LRFN1: variants seen among roughly 807,000 people sequenced by gnomAD.
LRFN1 encodes leucine-rich repeat and fibronectin type III domain-containing protein 1.
In LRFN1, 20 loss-of-function variants were observed where a neutral mutation model predicts 31.8. That is an observed-to-expected ratio of 0.63 (90% confidence interval 0.44 to 0.91). The LOEUF is 0.91. Ranked by LOEUF, LRFN1 falls within the 40% of genes least tolerant of loss-of-function variation. The probability of loss-of-function intolerance (pLI) is 0.00; values close to 1 mark genes in which losing one functional copy is unlikely to be tolerated. For missense variants in LRFN1, 912 were observed against 1,129.8 expected (o/e 0.81, Z 2.76); for synonymous variants, 514 against 541.3 (o/e 0.95, Z 0.70).
Position 39,308,451 on chromosome 19 carries a change from C to G in LRFN1, c.1498G>C (p.Gly500Arg), listed in dbSNP as rs2075138562. 4 of 1,609,766 alleles carry G rather than the reference C, an allele frequency of 2.5e-6. No individual in the cohort carries two copies. The highest frequency in any genetic ancestry group is 1.3e-5 in the African/African-American group (1 of 74,920). ...CGCGTTGCCGGCAGCGCTGTGGCCC[C>G]GTCGTCGTAGACCGCCAGCACGCAC... ...DLCVLAVYDD[G>R]ATALPATRVV... Residue 500 changes from glycine to arginine, a missense_variant, in exon 5 of 5, where the codon GGG (glycine) becomes CGG (arginine). Physicochemically the swap from Gly to Arg is moderately radical, Grantham distance 125. Transcript: ENST00000248668. This position sits in a 1 kb window ranked among gnomAD's most constrained non-coding sequence, Gnocchi z 6.2.
chr19:39,320,612 C>T (rs2075185651), intron 1 of LRFN1, among the ~76,000 whole-genome samples, 181 bp downstream of exon 1: 1 of 151,766 alleles, frequency 6.6e-6, no homozygotes, highest in Non-Finnish European at 1.5e-5. Context: ...CCCGCGCACA[C>T]CCGATGGCCA....
rs988518645 is a variant in LRFN1, at chr19:39,307,483, G to A, written c.*150C>T. 2.2e-6 allele frequency: 2 copies of A among 905,634 alleles called. No individual in the cohort carries two copies. The highest frequency in any genetic ancestry group is 3.0e-6 in the Non-Finnish European group (2 of 676,612). The allele number at this position is 905,634 out of a possible 1,614,324, so 56.1% of individuals were successfully genotyped here. A position where few individuals can be genotyped will look rare whatever the true frequency, so the allele number is the denominator to read the frequency against. Reference sequence around the variant, plus strand: ...GGGGCGTGGCCTCGAGCCGCAGCCCGAGGCTGCCCCGCCCCCTCCCGGGGA... The same window carrying A: ...GGGGCGTGGCCTCGAGCCGCAGCCCAAGGCTGCCCCGCCCCCTCCCGGGGA... On this transcript the variant is annotated 3_prime_UTR_variant, in exon 5 of 5. Transcript: ENST00000248668. This position sits in a 1 kb window ranked among gnomAD's most constrained non-coding sequence, Gnocchi z 6.7.
chr19:39,316,785 G>A (rs116890065), intron 2 of LRFN1, among the ~76,000 whole-genome samples: 2,205 of 152,232 alleles, frequency 0.014, 26 homozygotes, highest in Middle Eastern at 0.02. Flanking sequence ...CCCCTGCGGC[G>A]GCTGCAGCCC....
intron 4 of LRFN1, among the ~76,000 whole-genome samples, chr19:39,310,011 A>G (rs1165517433): frequency 4.6e-5 from 7 of 152,144 alleles, no homozygotes; most frequent in African/African-American, 1.7e-4. Flanking sequence ...AGGCTGGAGT[A>G]CAATGACGCG....
chr19:39,308,313 C>G lies in LRFN1; in HGVS notation c.1636G>C (p.Ala546Pro). 1.2e-6 allele frequency: 2 copies of G among 1,613,300 alleles called. No homozygotes were observed. The highest frequency in any genetic ancestry group is 1.7e-6 in the Non-Finnish European group (2 of 1,179,676). The stretch of plus-strand genomic sequence containing the variant: ...AGAACGATGAAGACGAGGACCGAGG[C>G]GACGATGACGCCCCCGATGGCGATG... ...MIIAIGGVIVASVLVFIVLLM... is the reference protein window; with the variant it reads ...MIIAIGGVIVPSVLVFIVLLM... The change falls in exon 5 of 5, where the codon GCC (alanine) becomes CCC (proline). Residue 546 changes from alanine (A) to proline (P), a missense_variant. Ala to Pro is a conservative substitution (Grantham distance 27, BLOSUM62 -1). This residue lies in a region of LRFN1 where 511 missense variants were observed against 557.0 expected (regional missense o/e 0.92). Transcript: ENST00000248668. The surrounding 1 kb of genome is among the most constrained non-coding windows in gnomAD (Gnocchi z 6.2).
chr19:39,315,179 T>C lies in LRFN1; in HGVS notation c.158A>G (p.Lys53Arg). 8 of 1,588,932 alleles carry C rather than the reference T, an allele frequency of 5.0e-6. No homozygotes were observed. Among genetic ancestry groups the C allele is most frequent in the African/African-American group, 1.3e-5 (1 of 74,802 alleles). Residue 53 changes from lysine (K) to arginine (R), a missense_variant, in exon 4 of 5, where the codon AAG becomes AGG. Transcript: ENST00000248668. The surrounding 1 kb of genome is among the most constrained non-coding windows in gnomAD (Gnocchi z 4.7). ...GGGCGGCACAAAGAGCAAGCCGGTC[T>C]TGGCGCACAGCATTGTCAGTGTGGG... The part of the protein sequence containing the change: ...VAPTLTMLCA[K>R]TGLLFVPPAI...
Position 39,308,576 on chromosome 19 carries a change from T to TC in LRFN1, c.1407-35dup, listed in dbSNP as rs776395744. 3.9e-6 allele frequency: 6 copies of TC among 1,538,618 alleles called. No individual in the cohort carries two copies. The highest frequency in any genetic ancestry group is 1.4e-5 in the African/African-American group (1 of 73,728). On this transcript the variant is annotated intron_variant, in intron 4 of 4. Transcript: ENST00000248668. The surrounding 1 kb of genome is among the most constrained non-coding windows in gnomAD (Gnocchi z 6.2). ...GGGGGCGGGTTCAGGGCGGGGTTAG[T>TC]CCCCCCGAACCACGCCCCTTCGCTT...
Position 39,315,298 on chromosome 19 carries a change from C to A in LRFN1, c.39G>T (p.Pro13=). 6.7e-7 allele frequency: 1 copy of A among 1,493,022 alleles called. No homozygotes were observed. The highest frequency in any genetic ancestry group is 2.4e-5 in the East Asian group (1 of 41,438). The allele number at this position is 1,493,022 out of a possible 1,614,324, so 92.5% of individuals were successfully genotyped here. ...PGPFSSALLS[P]PPAALPFLLL... Reference sequence around the variant, plus strand: ...GCAGAAAGGGCAGGGCAGCGGGCGGCGGCGAGAGGAGGGCCGAGGAGAAGG... The same window carrying A: ...GCAGAAAGGGCAGGGCAGCGGGCGGAGGCGAGAGGAGGGCCGAGGAGAAGG... Residue 13 remains proline, a synonymous_variant, in exon 4 of 5, where the codon CCG becomes CCT. Transcript: ENST00000248668. The surrounding 1 kb of genome is among the most constrained non-coding windows in gnomAD (Gnocchi z 4.7).
chr19:39,307,940 C>A lies in LRFN1; in HGVS notation c.2009G>T (p.Arg670Leu). ...CTCCAGGGCGCCGGATCGGCTCCTTCGAGGGCCCACCGCGGCCCGAGACTC... is the reference window on the plus strand; with the variant it reads ...CTCCAGGGCGCCGGATCGGCTCCTTAGAGGGCCCACCGCGGCCCGAGACTC... The part of the protein sequence containing the change: ...GEESRAAVGP[R>L]RSRSGALEPP... Residue 670 changes from arginine (R) to leucine (L), a missense_variant, in exon 5 of 5, where the codon CGA becomes CTA. Physicochemically the swap from Arg to Leu is moderately radical, Grantham distance 102 (BLOSUM62 -2). This residue lies in a region of LRFN1 where 511 missense variants were observed against 557.0 expected (regional missense o/e 0.92). Transcript: ENST00000248668. The surrounding 1 kb of genome is among the most constrained non-coding windows in gnomAD (Gnocchi z 6.7). 1 of 1,564,196 alleles carries A rather than the reference C, an allele frequency of 6.4e-7. No homozygotes were observed. The highest frequency in any genetic ancestry group is 8.6e-7 in the Non-Finnish European group (1 of 1,163,692).
chr19:39,311,031 C>G (rs965364171), intron 4 of LRFN1, among the ~76,000 whole-genome samples: 1 of 152,238 alleles, frequency 6.6e-6, no homozygotes, highest in Non-Finnish European at 1.5e-5. Flanking sequence ...CTCTTCATCT[C>G]TCCTCTCCAG....
chr19:39,316,558 G>A (rs1375669985), intron 2 of LRFN1, among the ~76,000 whole-genome samples: 1 of 152,168 alleles, frequency 6.6e-6, no homozygotes, highest in Non-Finnish European at 1.5e-5. Context: ...GAGTGTCAAA[G>A]TGGGAGGGAC....
rs1304841337 is a variant in LRFN1, at chr19:39,315,143, C to G, written c.194G>C (p.Arg65Pro). 8.8e-6 allele frequency: 14 copies of G among 1,590,860 alleles called. No homozygotes were observed. In the South Asian group the frequency reaches 1.2e-4, roughly 14 times the overall value. ...GGTGAGCCGCAGCTCCACCACGCGC[C>G]GGTCGATGGCGGGCGGCACAAAGAG... ...GLLFVPPAID[R>P]RVVELRLTDN... Residue 65 changes from arginine to proline, a missense_variant, in exon 4 of 5, where the codon CGG (arginine) becomes CCG (proline). Around this residue, in one of 2 missense-constraint regions of LRFN1, gnomAD observed 401 missense variants for 572.7 expected, o/e 0.70. Coordinates refer to ENST00000248668, the MANE Select transcript of LRFN1 (RefSeq NM_020862.2). The surrounding 1 kb of genome is among the most constrained non-coding windows in gnomAD (Gnocchi z 4.7).
Position 39,313,936 on chromosome 19 carries a change from G to A in LRFN1, c.1401C>T (p.Val467=). ...ACTGCAGCACCCGCACCCACCTGTA[G>A]ACGAGGGAGTCATCAACGGAACTGT... The part of the protein sequence containing the change: ...QYNSSVDDSL[V]YRMIPSTSQT... Residue 467 remains valine, a synonymous_variant, in exon 4 of 5, where the codon GTC becomes GTT. Transcript: ENST00000248668. 2 of 1,587,404 alleles carry A rather than the reference G, an allele frequency of 1.3e-6. No homozygotes were observed. Among genetic ancestry groups the A allele is most frequent in the Non-Finnish European group, 1.7e-6 (2 of 1,166,084 alleles).
intron 4 of LRFN1, among the ~76,000 whole-genome samples, chr19:39,312,207 C>T (rs920387480): frequency 6.6e-6 from 1 of 151,908 alleles, no homozygotes; most frequent in African/African-American, 2.4e-5. Flanking sequence ...ACTGGGAAAG[C>T]ACCTACTATG....
chr19:39,307,662 T>C lies in LRFN1; in HGVS notation c.2287A>G (p.Thr763Ala), dbSNP rs1254776944. ...SARACLAFTS[T>A]EWMLESTV ...ACGGTACTCTCCAGCATCCACTCGG[T>C]GCTGGTGAAAGCCAGGCACGCCCTG... The change falls in exon 5 of 5, where the codon ACC (threonine) becomes GCC (alanine). Residue 763 changes from threonine to alanine, a missense_variant. This residue lies in a region of LRFN1 where 511 missense variants were observed against 557.0 expected (regional missense o/e 0.92). Transcript: ENST00000248668. This position sits in a 1 kb window ranked among gnomAD's most constrained non-coding sequence, Gnocchi z 6.7. The C allele has an allele frequency of 1.3e-6, 2 of 1,489,642 alleles. No homozygotes were observed. Among genetic ancestry groups the C allele is most frequent in the Admixed American group, 2.4e-5 (1 of 42,530 alleles). The allele number at this position is 1,489,642 out of a possible 1,614,324, so 92.3% of individuals were successfully genotyped here.
At chr19:39,319,730 AG>A (rs1054696159) in intron 1 of LRFN1, among the ~76,000 whole-genome samples, 16 of 151,374 alleles carry the variant, frequency 1.1e-4, no homozygotes, top group African/African-American at 3.9e-4. Flanking sequence ...CTTACTTCCC[AG>A]GCCCAAGAAA....
In LRFN1 at chr19:39,307,720, G is replaced by A. The variant is rs1397174557; in HGVS notation, c.2229C>T (p.Ala743=). 4 of 1,500,508 alleles carry A rather than the reference G, an allele frequency of 2.7e-6. No homozygotes were observed. The highest frequency in any genetic ancestry group is 3.5e-6 in the Non-Finnish European group (4 of 1,137,770). The allele number at this position is 1,500,508 out of a possible 1,614,324, so 92.9% of individuals were successfully genotyped here. Residue 743 remains alanine, a synonymous_variant, in exon 5 of 5, where the codon GCC becomes GCT. Transcript: ENST00000248668. This position sits in a 1 kb window ranked among gnomAD's most constrained non-coding sequence, Gnocchi z 6.7. ...CCAGCCCCAGGTCTCCATCCTCCCCGGCCGCGCCCCCTCCAGCCCCGTCCA... is the reference window on the plus strand; with the variant it reads ...CCAGCCCCAGGTCTCCATCCTCCCCAGCCGCGCCCCCTCCAGCCCCGTCCA... ...PHLDGAGGGA[A]GEDGDLGLGS...
intron 4 of LRFN1, among the ~76,000 whole-genome samples, chr19:39,311,400 C>A (rs188397187): frequency 1.3e-5 from 2 of 152,300 alleles, no homozygotes; most frequent in African/African-American, 4.8e-5. Flanking sequence ...GAACCTCCCC[C>A]ACCCCACCAT....
chr19:39,307,754 G>A lies in LRFN1; in HGVS notation c.2195C>T (p.Thr732Met). The change falls in exon 5 of 5, where the codon ACG (threonine) becomes ATG (methionine). Residue 732 changes from threonine (T) to methionine (M), a missense_variant. Thr to Met is a moderately conservative substitution (Grantham distance 81, BLOSUM62 -1). This residue lies in a region of LRFN1 where 511 missense variants were observed against 557.0 expected (regional missense o/e 0.92). Coordinates refer to ENST00000248668, the MANE Select transcript of LRFN1 (RefSeq NM_020862.2). The surrounding 1 kb of genome is among the most constrained non-coding windows in gnomAD (Gnocchi z 6.7). ...CCCTCCAGCCCCGTCCAGGTGCGGC[G>A]TGGACCGGTGGCGCTTTGTCCGCCG... ...RARRTKRHRS[T>M]PHLDGAGGGA... 6.7e-7 allele frequency: 1 copy of A among 1,489,366 alleles called. No homozygotes were observed. Among genetic ancestry groups the A allele is most frequent in the South Asian group, 1.4e-5 (1 of 73,736 alleles). 92.3% of individuals were successfully genotyped at this position (1,489,366 alleles called of 1,614,324 possible).
Sources: gnomAD v4.1 joint callset for allele counts (sites outside exome capture counted in the v4.1 genomes callset) on GRCh38, gnomAD v4.1.1 for gene constraint, gnomAD v4.1.1 regional missense constraint, Gnocchi (gnomAD v3.1) non-coding constraint, MANE v1.5 for transcripts, NCBI Gene and HGNC (gene_info 2026-07-23, HGNC 2026-07-21) for gene names.